CALCR: variants seen among roughly 807,000 people sequenced by gnomAD.
CALCR encodes the protein calcitonin receptor.
A neutral mutation model predicts 59.5 loss-of-function variants in CALCR; 47 were observed. The ratio of observed to expected loss-of-function variants is 0.79; its 90% CI spans 0.63 to 1.01. CALCR has a LOEUF of 1.01. Among genes scored for constraint, CALCR ranks in the 50% least tolerant of loss-of-function variants. CALCR has a pLI of 0.00. For synonymous variants in CALCR, 213 were observed against 211.3 expected (o/e 1.01, Z -0.07); for missense variants, 566 against 597.1 (o/e 0.95, Z 0.54).
At position 93,532,838 on chromosome 7, in the gene CALCR, C is replaced by CAAAAAAAAAAAAAAAAAAAAAAAAAA. The variant is rs57128008; in HGVS notation, c.-27+41450_-27+41451insTTTTTTTTTTTTTTTTTTTTTTTTTT. The stretch of plus-strand genomic sequence containing the variant: ...TAGCCTTGATTCCTCATGTCCAAAG[C>CAAAAAAAAAAAAAAAAAAAAAAAAAA]AAAAAAAAAAAAAAAAAAAAAAAAA... On this transcript the variant is annotated intron_variant, in intron 2 of 13. Transcript: ENST00000426151. Among the ~76,000 whole-genome samples, 14 of 95,678 alleles carry CAAAAAAAAAAAAAAAAAAAAAAAAAA rather than the reference C, an allele frequency of 1.5e-4. 2 individuals are homozygous for CAAAAAAAAAAAAAAAAAAAAAAAAAA. The highest frequency in any genetic ancestry group is 7.0e-4 in the African/African-American group (14 of 19,928). 62.8% of individuals were successfully genotyped at this position (95,678 alleles called of 152,430 possible). A position where few individuals can be genotyped will look rare whatever the true frequency, so the allele number is the denominator to read the frequency against.
intron 12 of CALCR, among the ~76,000 whole-genome samples, chr7:93,434,555 T>C (rs1799734265): frequency 6.6e-6 from 1 of 151,790 alleles, no homozygotes; most frequent in Non-Finnish European, 1.5e-5. Flanking sequence ...CCCTTTAACA[T>C]GGAGATTTAT....
chr7:93,438,735 A>T (rs1177563699), intron 9 of CALCR, among the ~76,000 whole-genome samples: 1 of 152,076 alleles, frequency 6.6e-6, no homozygotes, highest in African/African-American at 2.4e-5. Flanking sequence ...TCTTTCTTCT[A>T]GGCTCTTTTG....
At chr7:93,552,784 A>G (rs1156927667) in intron 2 of CALCR, among the ~76,000 whole-genome samples, 1 of 152,214 alleles carries the variant, frequency 6.6e-6, no homozygotes, top group Non-Finnish European at 1.5e-5. Flanking sequence ...ATAACAAGAA[A>G]TTGACAGAGC....
chr7:93,567,346 T>G lies in CALCR; in HGVS notation c.-27+6943A>C, dbSNP rs146755351. On this transcript the variant is annotated intron_variant, in intron 2 of 13. Coordinates refer to ENST00000426151, the MANE Select transcript of CALCR (RefSeq NM_001742.4). ...ATTTAGGGAAGTCTTAACTAATTTCTCTAAGAGAAGAGAGGGTCTCCTGGA... is the reference window on the plus strand; with the variant it reads ...ATTTAGGGAAGTCTTAACTAATTTCGCTAAGAGAAGAGAGGGTCTCCTGGA... Among the ~76,000 whole-genome samples the G allele has an allele frequency of 4.8e-4, 73 of 152,098 alleles. No individual in the cohort carries two copies. The East Asian group carries it at 0.013, about 28-fold the overall frequency.
rs191850784 is a variant in CALCR at position 93,505,999 on chromosome 7, G to A, written c.-26-18992C>T. ...TTGGGCCCTATGTAAATCAGATATT[G>A]CTTTGTCAAGCCTGTCTCTAAAATC... On this transcript the variant is annotated intron_variant, in intron 2 of 13. Coordinates refer to ENST00000426151, the MANE Select transcript of CALCR (RefSeq NM_001742.4). Among the ~76,000 whole-genome samples, 557 of 152,206 alleles carry A rather than the reference G, an allele frequency of 3.7e-3. 1 individual carries two copies. Among genetic ancestry groups the A allele is most frequent in the Non-Finnish European group, 5.6e-3 (381 of 68,010 alleles).
chr7:93,525,709 T>C (rs1003012874), intron 2 of CALCR, among the ~76,000 whole-genome samples: 1 of 152,224 alleles, frequency 6.6e-6, no homozygotes, highest in Non-Finnish European at 1.5e-5. Flanking sequence ...AGATTGACAA[T>C]AGTCAGTCAG....
chr7:93,456,436 A>G (rs1283719968), intron 8 of CALCR, among the ~76,000 whole-genome samples: 3 of 144,490 alleles, frequency 2.1e-5, no homozygotes. Flanking sequence ...TTTTCTGTAG[A>G]AAAAAAAAAA....
chr7:93,523,106 A>G (rs897087848), intron 2 of CALCR, among the ~76,000 whole-genome samples: 5 of 152,210 alleles, frequency 3.3e-5, no homozygotes, highest in African/African-American at 1.2e-4. Flanking sequence ...ATGCTCAAGA[A>G]CACTTCATCC....
At chr7:93,460,546 ACT>A (rs1429898856) in intron 8 of CALCR, among the ~76,000 whole-genome samples, 2 of 101,698 alleles carry the variant, frequency 2.0e-5, no homozygotes, top group Non-Finnish European at 3.7e-5. Flanking sequence ...ACAGAGTGAG[ACT>A]CTATCTAAAA....
At chr7:93,496,335 C>T (rs1023131186) in intron 2 of CALCR, among the ~76,000 whole-genome samples, 3 of 151,506 alleles carry the variant, frequency 2.0e-5, no homozygotes, top group Non-Finnish European at 3.0e-5. Flanking sequence ...GTTAACTCTT[C>T]ATTTCCCAAA....
intron 2 of CALCR, among the ~76,000 whole-genome samples, chr7:93,515,226 CAT>C (rs1298311622): frequency 6.6e-6 from 1 of 151,964 alleles, no homozygotes; most frequent in Non-Finnish European, 1.5e-5. Flanking sequence ...AAATTTCTAA[CAT>C]ATGAATTCCT....
chr7:93,559,557 T>A (rs1219244653), intron 2 of CALCR: 3 of 152,180 alleles, frequency 2.0e-5, no homozygotes, highest in Admixed American at 2.0e-4. Flanking sequence ...GAAAGCTGTG[T>A]CTCTCCTCAC....
intron 2 of CALCR, among the ~76,000 whole-genome samples, chr7:93,509,868 G>A (rs903267165): frequency 2.0e-5 from 3 of 152,012 alleles, no homozygotes; most frequent in Admixed American, 6.6e-5. Flanking sequence ...CCAAAAAGTG[G>A]ATATTTATAG....
intron 2 of CALCR, among the ~76,000 whole-genome samples, chr7:93,546,807 T>C (rs1443103487): frequency 1.3e-5 from 2 of 151,960 alleles, no homozygotes; most frequent in African/African-American, 4.8e-5. Flanking sequence ...GTGATCCACC[T>C]GCCTTGGCCT....
chr7:93,570,676 A>G (rs1789982103), intron 2 of CALCR, among the ~76,000 whole-genome samples: 1 of 152,170 alleles, frequency 6.6e-6, no homozygotes, highest in Admixed American at 6.5e-5. Context: ...TCAGGTATCC[A>G]CTGGTACCCT....
chr7:93,550,060 G>T (rs34547696), intron 2 of CALCR, among the ~76,000 whole-genome samples: 13,493 of 152,148 alleles, frequency 0.089, 681 homozygotes, highest in African/African-American at 0.11. Flanking sequence ...AAAATGTGAG[G>T]TGGAATCTTT....
chr7:93,573,485 C>G (rs1346825515), intron 2 of CALCR, among the ~76,000 whole-genome samples: 1 of 152,178 alleles, frequency 6.6e-6, no homozygotes, highest in Non-Finnish European at 1.5e-5. Context: ...GCAAGTGAAA[C>G]CCTGCGTTCT....
At chr7:93,546,128 C>T (rs111906719) in intron 2 of CALCR, among the ~76,000 whole-genome samples, 2,764 of 152,160 alleles carry the variant, frequency 0.018, 99 homozygotes, top group African/African-American at 0.064. Flanking sequence ...ATGTTAATAG[C>T]CCATTAACTC....
At chr7:93,468,674 TA>T in intron 7 of CALCR, 40 bp downstream of exon 7, 17 of 1,384,558 alleles carry the variant, frequency 1.2e-5, no homozygotes, top group Non-Finnish European at 1.7e-5. Context: ...TTCAGTAACT[TA>T]AAGGAGGAAA....
Sources: gnomAD v4.1 joint callset for allele counts (sites outside exome capture counted in the v4.1 genomes callset) on GRCh38, gnomAD v4.1.1 for gene constraint, MANE v1.5 for transcripts, NCBI Gene and HGNC (gene_info 2026-07-23, HGNC 2026-07-21) for gene names.